Variants in MICA observed in about 807,000 individuals in gnomAD.
The protein encoded by MICA is MHC class I polypeptide-related sequence A, also known as HLA class I antigen.
MICA carries 18 observed loss-of-function variants against 34.3 expected under a neutral mutation model. The ratio of observed to expected loss-of-function variants is 0.52; its 90% CI spans 0.36 to 0.78. The LOEUF (loss-of-function observed/expected upper bound fraction) is 0.78. Among genes scored for constraint, MICA ranks in the 30% least tolerant of loss-of-function variants. The pLI is 0.00. For synonymous variants in MICA, 135 were observed against 156.9 expected (o/e 0.86, Z 1.04); for missense variants, 333 against 409.4 (o/e 0.81, Z 1.61).
At chr6:31,405,555 T>C (rs1236156142) in intron 1 of MICA, among the ~76,000 whole-genome samples, 1 of 151,766 alleles carries the variant, frequency 6.6e-6, no homozygotes, top group African/African-American at 2.4e-5. Context: ...TTATCCTTTC[T>C]TTGTGCTACA....
At chr6:31,403,070 T>C (rs1770528856), upstream of MICA, among the ~76,000 whole-genome samples, 1 of 151,902 alleles carries the variant, frequency 6.6e-6, no homozygotes, top group Non-Finnish European at 1.5e-5. The surrounding 1 kb of genome is among the most constrained non-coding windows in gnomAD (Gnocchi z 4.7). Context: ...CAGGTGCTTC[T>C]GAGAGGCAGA....
At chr6:31,407,969 T>G (rs1770836029) in intron 1 of MICA, among the ~76,000 whole-genome samples, 1 of 151,884 alleles carries the variant, frequency 6.6e-6, no homozygotes, top group Non-Finnish European at 1.5e-5. Flanking sequence ...ATTCAGTATG[T>G]TACTAGCTGT....
Position 31,411,842 on chromosome 6 carries a change from C to T in MICA, c.614-105C>T, listed in dbSNP as rs866248318. 1.7e-5 allele frequency: 25 copies of T among 1,477,464 alleles called. No homozygotes were observed. In the Middle Eastern group the frequency reaches 2.3e-3, roughly 133 times the overall value. 91.5% of individuals were successfully genotyped at this position (1,477,464 alleles called of 1,614,324 possible). On this transcript the variant is annotated intron_variant, in intron 3 of 5. Transcript: ENST00000449934. This position sits in a 1 kb window ranked among gnomAD's most constrained non-coding sequence, Gnocchi z 4.3. Reference sequence around the variant, plus strand: ...GGACAGACTTGCAGGTCAGGGGTCCCGGAGGGCTTCAGCCAGAGTGAGAAC... The same window carrying T: ...GGACAGACTTGCAGGTCAGGGGTCCTGGAGGGCTTCAGCCAGAGTGAGAAC...
chr6:31,408,585 A>G (rs1312786846), intron 1 of MICA, among the ~76,000 whole-genome samples: 1 of 151,550 alleles, frequency 6.6e-6, no homozygotes, highest in Non-Finnish European at 1.5e-5. Flanking sequence ...ATTCCTCCCT[A>G]CCTCTGGCCC....
rs764566915 is a variant in MICA at position 31,410,657 on chromosome 6, A to G, written c.185A>G (p.Gln62Arg). Residue 62 changes from glutamine (Q) to arginine (R), a missense_variant, in exon 2 of 6, where the codon CAG becomes CGG. Gln to Arg is a conservative substitution (Grantham distance 43). Transcript: ENST00000449934. The part of the protein sequence containing the change: ...DGQPFLRYDR[Q>R]KCRAKPQGQW... Reference sequence around the variant, plus strand: ...CAGCCCTTCCTGCGCTATGACAGGCAGAAATGCAGGGCAAAGCCCCAGGGA... The same window carrying G: ...CAGCCCTTCCTGCGCTATGACAGGCGGAAATGCAGGGCAAAGCCCCAGGGA... The G allele has an allele frequency of 1.9e-6, 3 of 1,613,656 alleles. No individual in the cohort carries two copies. The South Asian group carries it at 3.3e-5, about 18-fold the overall frequency.
intron 1 of MICA, among the ~76,000 whole-genome samples, chr6:31,409,312 T>C (rs1157422159): frequency 6.6e-6 from 1 of 151,092 alleles, no homozygotes; most frequent in Non-Finnish European, 1.5e-5. Context: ...CCTTGCTCTG[T>C]GTGTGTGTGT....
At chr6:31,403,583 T>G, upstream of MICA, 1 of 1,424,640 alleles carries the variant, frequency 7.0e-7, no homozygotes, top group Non-Finnish European at 9.2e-7. This position sits in a 1 kb window ranked among gnomAD's most constrained non-coding sequence, Gnocchi z 4.7. Flanking sequence ...CCGCGGCGCC[T>G]TCTCCCCGGC....
intron 2 of MICA, 128 bp from the exon 3 acceptor site, chr6:31,410,944 C>T: frequency 1.4e-6 from 2 of 1,467,042 alleles, no homozygotes; most frequent in Non-Finnish European, 1.8e-6. Flanking sequence ...GGGAGGTGAG[C>T]CGGCACTCAG....
upstream of MICA, chr6:31,400,834 G>C (rs1770381775): frequency 6.6e-6 from 1 of 151,530 alleles, no homozygotes; most frequent in African/African-American, 2.4e-5. Flanking sequence ...AGACGGGGTT[G>C]GAGGTGGGGT....
intron 5 of MICA, among the ~76,000 whole-genome samples, chr6:31,412,955 C>CGG (rs1771288682): frequency 6.7e-6 from 1 of 150,110 alleles, no homozygotes; most frequent in Admixed American, 6.6e-5. Flanking sequence ...CTCCAGCCAT[C>CGG]GGGGCGGACA....
At chr6:31,413,568 A>G (rs892191236) in intron 5 of MICA, among the ~76,000 whole-genome samples, 2 of 151,958 alleles carry the variant, frequency 1.3e-5, no homozygotes, top group African/African-American at 2.4e-5. Flanking sequence ...TGGGGTGTCC[A>G]GGAGGATGTG....
chr6:31,405,841 A>G (rs893691123), intron 1 of MICA, among the ~76,000 whole-genome samples: 1 of 151,822 alleles, frequency 6.6e-6, no homozygotes, highest in Non-Finnish European at 1.5e-5. Flanking sequence ...CCTGGGGCTT[A>G]TTTCACTTCA....
At chr6:31,413,816 G>C (rs1335062242) in intron 5 of MICA, among the ~76,000 whole-genome samples, 1 of 151,968 alleles carries the variant, frequency 6.6e-6, no homozygotes, top group Non-Finnish European at 1.5e-5. Flanking sequence ...TTTCCTCATA[G>C]GTCACTGGAG....
At chr6:31,414,021 T>C (rs1337766079) in intron 5 of MICA, among the ~76,000 whole-genome samples, 3 of 152,084 alleles carry the variant, frequency 2.0e-5, no homozygotes, top group African/African-American at 4.8e-5. Context: ...ATAAAGATTT[T>C]CATAATTTCA....
intron 4 of MICA, 33 bp from the exon 5 acceptor site, chr6:31,412,292 C>G: frequency 6.2e-7 from 1 of 1,603,784 alleles, no homozygotes; most frequent in Non-Finnish European, 8.5e-7. Flanking sequence ...CTGTGGCTCT[C>G]TGCCCAGTGT....
In MICA at chr6:31,411,482, G is replaced by T; in HGVS notation, c.613+123G>T. On this transcript the variant is annotated intron_variant, in intron 3 of 5. Transcript: ENST00000449934. This position sits in a 1 kb window ranked among gnomAD's most constrained non-coding sequence, Gnocchi z 4.3. ...TGAAGGCATTTCCTGTTGGCACATC[G>T]TGTCCTGATTTTCCTCTATTGTTAG... The T allele has an allele frequency of 9.9e-7, 1 of 1,006,850 alleles. No homozygotes were observed. The highest frequency in any genetic ancestry group is 1.7e-5 in the South Asian group (1 of 58,470). 62.4% of individuals were successfully genotyped at this position (1,006,850 alleles called of 1,614,324 possible). A position where few individuals can be genotyped will look rare whatever the true frequency, so the allele number is the denominator to read the frequency against.
chr6:31,414,718 G>A (rs140810304), intron 5 of MICA, among the ~76,000 whole-genome samples: 3,599 of 152,048 alleles, frequency 0.024, 60 homozygotes, highest in South Asian at 0.048. Context: ...GGTCAGGCCT[G>A]AGAGGAGGGC....
chr6:31,411,440 C>A lies in MICA; in HGVS notation c.613+81C>A. The A allele has an allele frequency of 3.0e-6, 4 of 1,337,894 alleles. No individual in the cohort carries two copies. Among genetic ancestry groups the A allele is most frequent in the Non-Finnish European group, 4.0e-6 (4 of 992,572 alleles). 82.9% of individuals were successfully genotyped at this position (1,337,894 alleles called of 1,614,324 possible). A position where few individuals can be genotyped will look rare whatever the true frequency, so the allele number is the denominator to read the frequency against. On this transcript the variant is annotated intron_variant, in intron 3 of 5. Coordinates refer to ENST00000449934, the MANE Select transcript of MICA (RefSeq NM_001177519.3). This position sits in a 1 kb window ranked among gnomAD's most constrained non-coding sequence, Gnocchi z 4.3. ...ACCTCCCAGATGTGTCCAGGGAAAC[C>A]CTCCCTGTGCTATGGATGAAGGCAT...
In MICA at chr6:31,411,253, G is replaced by A. The variant is rs1442761680; in HGVS notation, c.507G>A (p.Leu169=). Reference sequence around the variant, plus strand: ...TGGCCATGAACGTCAGGAATTTCTTGAAGGAAGATGCCATGAAGACCAAGA... The same window carrying A: ...TGGCCATGAACGTCAGGAATTTCTTAAAGGAAGATGCCATGAAGACCAAGA... ...QTLAMNVRNF[L]KEDAMKTKTH... is the part of the protein sequence containing the mutation. Residue 169 remains leucine, a synonymous_variant, in exon 3 of 6, where the codon TTG becomes TTA. Coordinates refer to ENST00000449934, the MANE Select transcript of MICA (RefSeq NM_001177519.3). The surrounding 1 kb of genome is among the most constrained non-coding windows in gnomAD (Gnocchi z 4.3). 1 of 1,612,746 alleles carries A rather than the reference G, an allele frequency of 6.2e-7. No homozygotes were observed. Among genetic ancestry groups the A allele is most frequent in the East Asian group, 2.2e-5 (1 of 44,812 alleles).
Sources: gnomAD v4.1 joint callset for allele counts (sites outside exome capture counted in the v4.1 genomes callset) on GRCh38, gnomAD v4.1.1 for gene constraint, Gnocchi (gnomAD v3.1) non-coding constraint, MANE v1.5 for transcripts, NCBI Gene and HGNC (gene_info 2026-07-23, HGNC 2026-07-21) for gene names.